BANK1: variants seen among roughly 807,000 people sequenced by gnomAD.
The protein encoded by BANK1 is B-cell scaffold protein with ankyrin repeats.
In BANK1, 95 loss-of-function variants were observed where a neutral mutation model predicts 94.5. The ratio of observed to expected loss-of-function variants is 1.00; its 90% CI spans 0.85 to 1.19. The LOEUF (loss-of-function observed/expected upper bound fraction) is 1.19, where lower values mean the gene tolerates loss of function less well. Ranked by LOEUF, BANK1 falls within the 50% of genes most tolerant of loss-of-function variation. BANK1 has a pLI of 0.00. For synonymous variants in BANK1, 334 were observed against 308.4 expected (o/e 1.08, Z -0.87); for missense variants, 987 against 932.2 (o/e 1.06, Z -0.77).
chr4:101,823,808 C>T (rs578078195), intron 1 of BANK1, among the ~76,000 whole-genome samples: 1 of 152,328 alleles, frequency 6.6e-6, no homozygotes, highest in African/African-American at 2.4e-5. Context: ...GGTTGTTCTT[C>T]ACCATAGCTG....
chr4:102,057,338 T>C lies in BANK1; in HGVS notation c.1970-2873T>C, dbSNP rs554054328. ...TCTCTATTTCTCTCTCTCTCTCTCT[T>C]TCTCTCTCTCTCGCTTTCTCTCTCT... On this transcript the variant is annotated intron_variant, in intron 11 of 16. Transcript: ENST00000322953. Among the ~76,000 whole-genome samples, 7 of 147,614 alleles carry C rather than the reference T, an allele frequency of 4.7e-5. No individual in the cohort carries two copies. In the South Asian group the frequency reaches 8.8e-4, roughly 19 times the overall value.
intron 7 of BANK1, among the ~76,000 whole-genome samples, chr4:101,960,393 TGAGA>T (rs1441229854): frequency 6.6e-6 from 1 of 152,114 alleles, no homozygotes; most frequent in African/African-American, 2.4e-5. Context: ...ACTGGGCCAC[TGAGA>T]GACTTTTGTC....
rs10017720 is a variant in BANK1, at chr4:102,067,742, C to A, written c.2213-3533C>A. Among the ~76,000 whole-genome samples, 172 of 151,988 alleles carry A rather than the reference C, an allele frequency of 1.1e-3. 1 individual carries two copies. Among genetic ancestry groups the A allele is most frequent in the African/African-American group, 3.8e-3 (159 of 41,528 alleles). On this transcript the variant is annotated intron_variant, in intron 13 of 16. Transcript: ENST00000322953. ...ACTTCTTTCTTAGTAATTAATAGAACAAATAGACAAAAATCATTAAAGATA... is the reference window on the plus strand; with the variant it reads ...ACTTCTTTCTTAGTAATTAATAGAAAAAATAGACAAAAATCATTAAAGATA...
At chr4:101,998,288 G>A (rs1010491733) in intron 7 of BANK1, among the ~76,000 whole-genome samples, 3 of 152,128 alleles carry the variant, frequency 2.0e-5, no homozygotes, top group Non-Finnish European at 4.4e-5. Flanking sequence ...GAGACGGTTT[G>A]TTATTATTTC....
chr4:101,989,957 TCCTA>T (rs1171299580), intron 7 of BANK1, among the ~76,000 whole-genome samples: 4 of 152,272 alleles, frequency 2.6e-5, no homozygotes, highest in Non-Finnish European at 5.9e-5. Flanking sequence ...ATGCCTTCTC[TCCTA>T]CCTTTCTTTT....
chr4:101,795,966 G>A (rs994244155), intron 1 of BANK1, among the ~76,000 whole-genome samples: 1 of 152,176 alleles, frequency 6.6e-6, no homozygotes, highest in Non-Finnish European at 1.5e-5. Context: ...TGTTGAATCT[G>A]TGTAAGTATA....
At chr4:102,029,211 G>A (rs1048155483) in intron 9 of BANK1, among the ~76,000 whole-genome samples, 4 of 152,052 alleles carry the variant, frequency 2.6e-5, no homozygotes, top group African/African-American at 4.8e-5. Flanking sequence ...TATGAATAAG[G>A]CCCATGTTGG....
intron 7 of BANK1, among the ~76,000 whole-genome samples, chr4:101,929,859 TA>T (rs892205811): frequency 1.1e-4 from 17 of 151,406 alleles, no homozygotes; most frequent in African/African-American, 3.9e-4. Flanking sequence ...TTTTAATTAG[TA>T]AAAAAAATTT....
At chr4:101,978,099 G>C (rs1338520590) in intron 7 of BANK1, among the ~76,000 whole-genome samples, 5 of 151,090 alleles carry the variant, frequency 3.3e-5, no homozygotes, top group Admixed American at 1.3e-4. Flanking sequence ...GTGTAGCTGG[G>C]AGTATTTTCC....
chr4:101,962,817 A>T (rs1283604427), intron 7 of BANK1, among the ~76,000 whole-genome samples: 1 of 152,078 alleles, frequency 6.6e-6, no homozygotes, highest in Non-Finnish European at 1.5e-5. Context: ...CACTTCCTTT[A>T]ATCTCTTGTT....
intron 2 of BANK1, among the ~76,000 whole-genome samples, chr4:101,837,858 A>G (rs1484507369): frequency 6.6e-6 from 1 of 152,030 alleles, no homozygotes; most frequent in Non-Finnish European, 1.5e-5. Context: ...AGCATTCTGT[A>G]TACGACTCTG....
rs1241043603 is a variant in BANK1 at position 102,025,475 on chromosome 4, C to T, written c.1560C>T (p.Ala520=). 1 of 1,614,042 alleles carries T rather than the reference C, an allele frequency of 6.2e-7. No homozygotes were observed. Among genetic ancestry groups the T allele is most frequent in the Middle Eastern group, 1.7e-4 (1 of 6,034 alleles). ...CCCCGCCGCGACCTGTAGCTAATGCCTTCCAACTGGAAAGACCTCACTTCA... is the reference window on the plus strand; with the variant it reads ...CCCCGCCGCGACCTGTAGCTAATGCTTTCCAACTGGAAAGACCTCACTTCA... The part of the protein sequence containing the change: ...PLPPPRPVAN[A]FQLERPHFTL... Residue 520 remains alanine, a synonymous_variant, in exon 9 of 17, where the codon GCC becomes GCT. Coordinates refer to ENST00000322953, the MANE Select transcript of BANK1 (RefSeq NM_017935.5).
At chr4:101,949,752 AT>A (rs1724066596) in intron 7 of BANK1, among the ~76,000 whole-genome samples, 1 of 152,168 alleles carries the variant, frequency 6.6e-6, no homozygotes, top group Admixed American at 6.6e-5. Context: ...AGATTTAAAA[AT>A]ATAGGATAAA....
Position 102,072,335 on chromosome 4 carries a change from G to GTAT in BANK1, c.2243-8_2243-6dup. 1 of 1,564,448 alleles carries GTAT rather than the reference G, an allele frequency of 6.4e-7. No individual in the cohort carries two copies. The highest frequency in any genetic ancestry group is 1.1e-5 in the South Asian group (1 of 89,160). ...GAATAAAGAGGTAATAACTGAGTTT[G>GTAT]TATTTCTAGGTAAGGAAACTGCCCA... On this transcript the variant is annotated splice_polypyrimidine_tract_variant and intron_variant, in intron 14 of 16. Transcript: ENST00000322953.
rs950862419 is a variant in BANK1, at chr4:101,821,207, T to C, written c.71-8601T>C. ...TTCATTTCTCTAATGATCAGTGATA[T>C]TGAGGTTTTTTCCATATGATTGTTG... is the stretch of plus-strand genomic sequence containing the variant. On this transcript the variant is annotated intron_variant, in intron 1 of 16. Transcript: ENST00000322953. Among the ~76,000 whole-genome samples the C allele has an allele frequency of 4.6e-5, 7 of 152,338 alleles. No homozygotes were observed. In the South Asian group the frequency reaches 6.2e-4, roughly 14 times the overall value.
At chr4:101,911,517 G>T (rs1466515299) in intron 6 of BANK1, among the ~76,000 whole-genome samples, 2 of 146,610 alleles carry the variant, frequency 1.4e-5, no homozygotes, top group Admixed American at 6.8e-5. Flanking sequence ...AAGCCCCATT[G>T]GGTTCACAGA....
rs1176960795 is a variant in BANK1, at chr4:101,947,284, A to AATATGT, written c.1206+29099_1206+29100insGTATAT. Among the ~76,000 whole-genome samples, 3 of 58,236 alleles carry AATATGT rather than the reference A, an allele frequency of 5.2e-5. 1 individual carries two copies. The highest frequency in any genetic ancestry group is 1.6e-4 in the Non-Finnish European group (3 of 18,560). 38.2% of individuals were successfully genotyped at this position (58,236 alleles called of 152,430 possible). A position where few individuals can be genotyped will look rare whatever the true frequency, so the allele number is the denominator to read the frequency against. ...GAGGGTTGTGTTTGAAGAAGTTGTA[A>AATATGT]ATATATATATATATATATATATATA... On this transcript the variant is annotated intron_variant, in intron 7 of 16. Coordinates refer to ENST00000322953, the MANE Select transcript of BANK1 (RefSeq NM_017935.5).
intron 1 of BANK1, among the ~76,000 whole-genome samples, chr4:101,795,146 A>G (rs1725113119): frequency 1.3e-5 from 2 of 152,028 alleles, no homozygotes; most frequent in African/African-American, 2.4e-5. Flanking sequence ...TTACAGGATC[A>G]TGTCTAATTT....
intron 1 of BANK1, among the ~76,000 whole-genome samples, chr4:101,822,759 G>A (rs961818082): frequency 6.6e-6 from 1 of 151,896 alleles, no homozygotes; most frequent in African/African-American, 2.4e-5. Flanking sequence ...GGGACTACAG[G>A]TGTCCGCCAC....
Sources: gnomAD v4.1 joint callset for allele counts (sites outside exome capture counted in the v4.1 genomes callset) on GRCh38, gnomAD v4.1.1 for gene constraint, MANE v1.5 for transcripts, NCBI Gene and HGNC (gene_info 2026-07-23, HGNC 2026-07-21) for gene names.